Variants in TMCC1 observed in about 807,000 individuals in gnomAD.
The protein encoded by TMCC1 is transmembrane and coiled-coil domain family 1.
A neutral mutation model predicts 52.4 loss-of-function variants in TMCC1; 15 were observed. The ratio of observed to expected loss-of-function variants is 0.29; its 90% CI spans 0.19 to 0.44. The LOEUF (loss-of-function observed/expected upper bound fraction) is 0.44, where lower values mean the gene tolerates loss of function less well. Ranked by LOEUF, TMCC1 falls within the 20% of genes least tolerant of loss-of-function variation. The pLI, the probability that TMCC1 is intolerant of heterozygous loss-of-function variation, is 1.00. For missense variants in TMCC1, 503 were observed against 806.0 expected (o/e 0.62, Z 4.55); for synonymous variants, 279 against 301.9 (o/e 0.92, Z 0.79).
intron 4 of TMCC1, among the ~76,000 whole-genome samples, chr3:129,793,611 T>C (rs1447215259): frequency 1.3e-5 from 2 of 152,220 alleles, no homozygotes; most frequent in Non-Finnish European, 2.9e-5. Flanking sequence ...CTGCACTAAA[T>C]GACTGGGTCA....
intron 5 of TMCC1, among the ~76,000 whole-genome samples, chr3:129,663,635 A>AT (rs749025926): frequency 1.4e-4 from 21 of 152,342 alleles, no homozygotes; most frequent in Admixed American, 3.3e-4. Context: ...CCCCCACAAT[A>AT]TTTCAAGGGT....
chr3:129,752,523 A>AGGTGTGGT (rs1412648314), intron 4 of TMCC1, among the ~76,000 whole-genome samples: 1 of 152,090 alleles, frequency 6.6e-6, no homozygotes, highest in African/African-American at 2.4e-5. Context: ...TAATTTAGCC[A>AGGTGTGGT]GGTGTGGTGG....
intron 2 of TMCC1, among the ~76,000 whole-genome samples, chr3:129,845,847 C>A (rs940276793): frequency 6.6e-6 from 1 of 152,010 alleles, no homozygotes; most frequent in Non-Finnish European, 1.5e-5. Context: ...GTCTGGGCAA[C>A]ACAGGGAGAC....
At position 129,726,240 on chromosome 3, in the gene TMCC1, C is replaced by T. The variant is rs182812384; in HGVS notation, c.577-54976G>A. Among the ~76,000 whole-genome samples, 1,013 of 152,214 alleles carry T rather than the reference C, an allele frequency of 6.7e-3. 8 individuals carry two copies. The highest frequency in any genetic ancestry group is 9.5e-3 in the Non-Finnish European group (643 of 68,018). On this transcript the variant is annotated intron_variant, in intron 4 of 6. Coordinates refer to ENST00000393238, the MANE Select transcript of TMCC1 (RefSeq NM_001017395.5). The stretch of plus-strand genomic sequence containing the variant: ...CAAAATTTTCTAACTAGAAGGGCTT[C>T]GTATTTATTCAATAATTCTTACTAT...
At chr3:129,885,524 G>A (rs1194484010) in intron 1 of TMCC1, among the ~76,000 whole-genome samples, 2 of 152,066 alleles carry the variant, frequency 1.3e-5, no homozygotes, top group Non-Finnish European at 1.5e-5. Flanking sequence ...AGCAGAGGTT[G>A]CAGTGAGCTG....
chr3:129,688,548 C>A, intron 4 of TMCC1: 1 of 985,562 alleles, frequency 1.0e-6, no homozygotes, highest in Non-Finnish European at 1.2e-6. Flanking sequence ...CCTCGCATAG[C>A]CAATCCTCCG....
intron 4 of TMCC1, among the ~76,000 whole-genome samples, chr3:129,747,744 T>C (rs540517656): frequency 6.6e-6 from 1 of 152,216 alleles, no homozygotes; most frequent in South Asian, 2.1e-4. Context: ...GATTCCCTTC[T>C]CACCCAACAT....
At chr3:129,868,140 G>A (rs76636681) in intron 2 of TMCC1, among the ~76,000 whole-genome samples, 2,364 of 152,174 alleles carry the variant, frequency 0.016, 46 homozygotes, top group African/African-American at 0.054. Flanking sequence ...GCAGAGGGGG[G>A]AAAAACCATA....
At chr3:129,662,326 A>G (rs940031748) in intron 5 of TMCC1, among the ~76,000 whole-genome samples, 1 of 152,180 alleles carries the variant, frequency 6.6e-6, no homozygotes, top group African/African-American at 2.4e-5. Context: ...TCTAGATAGT[A>G]CAGCCTATGA....
chr3:129,750,492 T>C (rs1470853318), intron 4 of TMCC1, among the ~76,000 whole-genome samples: 1 of 150,576 alleles, frequency 6.6e-6, no homozygotes, highest in Non-Finnish European at 1.5e-5. Context: ...GTGCTCAGCC[T>C]TCAAAATCTT....
At chr3:129,704,591 G>A (rs755335264) in intron 4 of TMCC1, among the ~76,000 whole-genome samples, 2 of 152,070 alleles carry the variant, frequency 1.3e-5, no homozygotes, top group South Asian at 2.1e-4. Context: ...GCTAATTTTT[G>A]TATTTTTAGT....
At chr3:129,797,965 C>T (rs1048051593) in intron 4 of TMCC1, among the ~76,000 whole-genome samples, 7 of 148,702 alleles carry the variant, frequency 4.7e-5, no homozygotes, top group Non-Finnish European at 1.0e-4. Flanking sequence ...AGTAGGTTGA[C>T]AGAGCACCCG....
intron 2 of TMCC1, among the ~76,000 whole-genome samples, chr3:129,850,248 T>C (rs2059858114): frequency 6.6e-6 from 1 of 152,242 alleles, no homozygotes; most frequent in Non-Finnish European, 1.5e-5. Flanking sequence ...CATTATACTA[T>C]TTCAGCTGGG....
At chr3:129,688,410 C>T (rs1186018119) in intron 4 of TMCC1, 3 of 985,486 alleles carry the variant, frequency 3.0e-6, no homozygotes, top group South Asian at 4.7e-5. Context: ...ACAGCTACCA[C>T]TGGGAATGCT....
At chr3:129,830,101 G>A (rs1320906657) in intron 3 of TMCC1, among the ~76,000 whole-genome samples, 4 of 152,340 alleles carry the variant, frequency 2.6e-5, no homozygotes, top group Non-Finnish European at 5.9e-5. Context: ...GAGAATGGAA[G>A]TTTCATTGCC....
chr3:129,735,062 C>T (rs987072672), intron 4 of TMCC1, among the ~76,000 whole-genome samples: 2 of 151,944 alleles, frequency 1.3e-5, no homozygotes, highest in Admixed American at 6.6e-5. Context: ...CCACCACGCC[C>T]GGCTAATTTT....
chr3:129,877,661 C>T (rs545377544), intron 2 of TMCC1, among the ~76,000 whole-genome samples: 67 of 141,738 alleles, frequency 4.7e-4, no homozygotes, highest in African/African-American at 1.8e-3. Context: ...GAGAGTCTCA[C>T]TCTATGACCC....
At chr3:129,746,027 G>A (rs1309846741) in intron 4 of TMCC1, among the ~76,000 whole-genome samples, 2 of 151,740 alleles carry the variant, frequency 1.3e-5, no homozygotes, top group Non-Finnish European at 2.9e-5. Flanking sequence ...AAAGTGCTGG[G>A]ATTACAGACA....
intron 4 of TMCC1, among the ~76,000 whole-genome samples, chr3:129,724,772 G>T (rs987029798): frequency 6.6e-6 from 1 of 152,106 alleles, no homozygotes; most frequent in African/African-American, 2.4e-5. Flanking sequence ...CTTATACTAT[G>T]AAAGTTCTAT....
Sources: allele counts gnomAD v4.1 joint callset (sites outside exome capture counted in the v4.1 genomes callset), GRCh38; gene constraint gnomAD v4.1.1; transcripts MANE v1.5; gene names NCBI Gene and HGNC (gene_info 2026-07-23, HGNC 2026-07-21).